VWA7: variants seen among roughly 807,000 people sequenced by gnomAD.
VWA7 encodes von Willebrand factor A domain containing 7.
VWA7 carries 66 observed loss-of-function variants against 83.1 expected under a neutral mutation model. That is an observed-to-expected ratio of 0.79 (90% CI 0.65 to 0.98). The LOEUF is 0.98. Among genes scored for constraint, VWA7 ranks in the 50% least tolerant of loss-of-function variants. The pLI is 0.00. For missense variants in VWA7, 1,080 were observed against 1,160.2 expected, an observed-to-expected ratio of 0.93 and a Z score of 1.00; for synonymous variants, 424 against 488.5, an observed-to-expected ratio of 0.87 and a Z score of 1.74.
In VWA7 at chr6:31,770,036, C is replaced by A; in HGVS notation, c.1165G>T (p.Gly389Ter). The A allele has an allele frequency of 6.2e-7, 1 of 1,612,916 alleles. No homozygotes were observed. The highest frequency in any genetic ancestry group is 1.1e-5 in the South Asian group (1 of 91,080). ...GACAGGCACATCTCAGGCTCGTCTCCACCCCCCAAGGCATGGATCTCATTA... is the reference window on the plus strand; with the variant it reads ...GACAGGCACATCTCAGGCTCGTCTCAACCCCCCAAGGCATGGATCTCATTA... Reference protein sequence around the residue: ...QLNEIHALGGGDEPEMCLSAL... With the variant: ...QLNEIHALGG Residue 389 changes from glycine (G) to a stop codon, truncating the protein, a stop_gained, in exon 8 of 17, where the codon GGA becomes TGA. Coordinates refer to ENST00000375688, the MANE Select transcript of VWA7 (RefSeq NM_025258.3). LOFTEE classifies it high-confidence loss of function.
chr6:31,776,348 GC>G lies in VWA7; in HGVS notation c.235-107del. ...TCAAGGCTGGGTATGAGGGTCCTGA[GC>G]CCCACAAAGGAGGGACAGTCCCGGA... On this transcript the variant is annotated intron_variant, in intron 2 of 16. Transcript: ENST00000375688. This position sits in a 1 kb window ranked among gnomAD's most constrained non-coding sequence, Gnocchi z 6.2. The G allele has an allele frequency of 6.8e-7, 1 of 1,474,402 alleles. No individual in the cohort carries two copies. The highest frequency in any genetic ancestry group is 9.1e-7 in the Non-Finnish European group (1 of 1,097,804). The allele number at this position is 1,474,402 out of a possible 1,614,324, so 91.3% of individuals were successfully genotyped here.
rs750475670 is a variant in VWA7 at position 31,766,618 on chromosome 6, GTCCCACGGGCTCCA to G, written c.2015_2028del (p.Leu672SerfsTer20). The G allele has an allele frequency of 6.2e-6, 10 of 1,612,948 alleles. No individual in the cohort carries two copies. In the East Asian group the frequency reaches 2.0e-4, roughly 32 times the overall value. On this transcript the variant is annotated frameshift_variant, in exon 14 of 17. Transcript: ENST00000375688. LOFTEE classifies it high-confidence loss of function. This position sits in a 1 kb window ranked among gnomAD's most constrained non-coding sequence, Gnocchi z 4.9. ...GCTGCGAGGAGACCTCGCTCCGGAG[GTCCCACGGGCTCCA>G]AGGGCACCTGGCCTAGTTCGGCACC...
chr6:31,771,977 C>G (rs549727118), intron 7 of VWA7, among the ~76,000 whole-genome samples: 1 of 113,660 alleles, frequency 8.8e-6, no homozygotes, highest in Non-Finnish European at 1.6e-5. Flanking sequence ...GGCGACAGAG[C>G]GAGACTCCGT....
chr6:31,774,008 G>C (rs557033464), intron 5 of VWA7, among the ~76,000 whole-genome samples: 1 of 151,806 alleles, frequency 6.6e-6, no homozygotes, highest in East Asian at 1.9e-4. Flanking sequence ...TACAAAATTA[G>C]CCGGGCGTGG....
Position 31,766,729 on chromosome 6 carries a change from A to G in VWA7, c.1918T>C (p.Leu640=). ...TCCCCAGGATTGGCTCTGGAACCCA[A>G]CCCTGTCACTTCTACCAGCAGCTGG... ...QTQLLVEVTG[L]GSRANPGDPQ... The change falls in exon 14 of 17, where the codon TTG becomes CTG. Residue 640 remains leucine, a synonymous_variant. Coordinates refer to ENST00000375688, the MANE Select transcript of VWA7 (RefSeq NM_025258.3). This position sits in a 1 kb window ranked among gnomAD's most constrained non-coding sequence, Gnocchi z 4.9. The G allele has an allele frequency of 6.2e-7, 1 of 1,609,398 alleles. No homozygotes were observed.
intron 10 of VWA7, among the ~76,000 whole-genome samples, chr6:31,768,487 G>A (rs1378409432): frequency 1.3e-5 from 2 of 152,064 alleles, no homozygotes; most frequent in African/African-American, 4.8e-5. Flanking sequence ...AGGACTTCCT[G>A]TGGTAACCCT....
rs759047641 is a variant in VWA7 at position 31,776,147 on chromosome 6, G to A, written c.330C>T (p.Ala110=). ...TTGGCAGGAAGTCCTGGGCTGCATTGGCACGAGACACCTCACCTAAGGCTG... is the reference window on the plus strand; with the variant it reads ...TTGGCAGGAAGTCCTGGGCTGCATTAGCACGAGACACCTCACCTAAGGCTG... ...FRAALGEVSR[A]NAAQDFLPTS... is the part of the protein sequence containing the mutation. Residue 110 remains alanine (A), a synonymous_variant, in exon 3 of 17, where the codon GCC becomes GCT. Coordinates refer to ENST00000375688, the MANE Select transcript of VWA7 (RefSeq NM_025258.3). The surrounding 1 kb of genome is among the most constrained non-coding windows in gnomAD (Gnocchi z 6.2). 4.3e-6 allele frequency: 7 copies of A among 1,614,068 alleles called. No homozygotes were observed. In the South Asian group the frequency reaches 6.6e-5, roughly 15 times the overall value.
At chr6:31,772,564 CTTTTTTTTTTCTTTCTTTTCT>C (rs1439958111) in intron 7 of VWA7, among the ~76,000 whole-genome samples, 8 of 76,992 alleles carry the variant, frequency 1.0e-4, no homozygotes, top group African/African-American at 1.5e-4. Flanking sequence ...TTTATCTTTT[CTTTTTTTTTTCTTTCTTTTCT>C]TTTTTTTTTT....
chr6:31,767,195 G>A lies in VWA7; in HGVS notation c.1845C>T (p.Pro615=). 6.3e-7 allele frequency: 1 copy of A among 1,588,630 alleles called. No individual in the cohort carries two copies. The highest frequency in any genetic ancestry group is 8.5e-7 in the Non-Finnish European group (1 of 1,172,490). The change falls in exon 13 of 17, where the codon CCC becomes CCT. Residue 615 remains proline, a synonymous_variant. Coordinates refer to ENST00000375688, the MANE Select transcript of VWA7 (RefSeq NM_025258.3). ...FHFGIPMEDG[P]HPGLYPLTQP... ...GAGTCAGGGGGTAGAGGCCAGGGTG[G>A]GGTCCATCCTCCATGGGGATCCCAA...
At position 31,769,058 on chromosome 6, in the gene VWA7, C is replaced by A. The variant is rs11966331; in HGVS notation, c.1463G>T (p.Arg488Leu). ...EVIFTKDQHIRDVAAIVGESM... is the reference protein window; with the variant it reads ...EVIFTKDQHILDVAAIVGESM... The stretch of plus-strand genomic sequence containing the variant: ...CTCCCCAACAATGGCTGCCACGTCT[C>A]GAATGTGCTGGTCTTTGGTGAAGAT... Residue 488 changes from arginine (R) to leucine (L), a missense_variant, in exon 10 of 17, where the codon CGA becomes CTA. Transcript: ENST00000375688. This position sits in a 1 kb window ranked among gnomAD's most constrained non-coding sequence, Gnocchi z 4.5. 47 of 1,612,952 alleles carry A rather than the reference C, an allele frequency of 2.9e-5. No individual in the cohort carries two copies. In the Admixed American group the frequency reaches 4.8e-4, roughly 17 times the overall value.
At chr6:31,767,831 A>G (rs1811768947) in intron 10 of VWA7, 77 bp from the exon 11 acceptor site, 2 of 1,522,324 alleles carry the variant, frequency 1.3e-6, no homozygotes, top group Admixed American at 3.9e-5. Context: ...AAGGGGAGAT[A>G]GAAAGAAACC....
Position 31,769,378 on chromosome 6 carries a change from G to A in VWA7, c.1318-175C>T, listed in dbSNP as rs1811948451. On this transcript the variant is annotated intron_variant, in intron 9 of 16. Coordinates refer to ENST00000375688, the MANE Select transcript of VWA7 (RefSeq NM_025258.3). This position sits in a 1 kb window ranked among gnomAD's most constrained non-coding sequence, Gnocchi z 4.5. ...TGACAGAACCCCCTGCCTTCAGTTA[G>A]TAGTTGGCCACCCCCTTGTAACTGT... Among the ~76,000 whole-genome samples the A allele has an allele frequency of 6.6e-6, 1 of 152,224 alleles. No individual in the cohort carries two copies. The highest frequency in any genetic ancestry group is 1.5e-5 in the Non-Finnish European group (1 of 68,046).
chr6:31,771,126 G>A (rs756206015), intron 7 of VWA7: 5 of 151,782 alleles, frequency 3.3e-5, no homozygotes, highest in Non-Finnish European at 7.4e-5. Context: ...AGTTGATTTT[G>A]CAAATCTTAA....
In VWA7 at chr6:31,773,054, C is replaced by T. The variant is rs762284344; in HGVS notation, c.987G>A (p.Glu329=). The T allele has an allele frequency of 6.2e-7, 1 of 1,612,512 alleles. No individual in the cohort carries two copies. Among genetic ancestry groups the T allele is most frequent in the Non-Finnish European group, 8.5e-7 (1 of 1,179,832 alleles). Residue 329 remains glutamate (E), a synonymous_variant, in exon 7 of 17, where the codon GAG becomes GAA. Coordinates refer to ENST00000375688, the MANE Select transcript of VWA7 (RefSeq NM_025258.3). This position sits in a 1 kb window ranked among gnomAD's most constrained non-coding sequence, Gnocchi z 5.3. Reference sequence around the variant, plus strand: ...GAGCCTGGATTTTGGCAGCGTTGATCTCCTCACCCATGCTGCCCGTGGTGT... The same window carrying T: ...GAGCCTGGATTTTGGCAGCGTTGATTTCCTCACCCATGCTGCCCGTGGTGT... The part of the protein sequence containing the change: ...VLDTTGSMGE[E]INAAKIQARH...
chr6:31,769,443 ATTGT>A lies in VWA7; in HGVS notation c.1317+228_1317+231del, dbSNP rs767615549. On this transcript the variant is annotated intron_variant, in intron 9 of 16. Coordinates refer to ENST00000375688, the MANE Select transcript of VWA7 (RefSeq NM_025258.3). This position sits in a 1 kb window ranked among gnomAD's most constrained non-coding sequence, Gnocchi z 4.5. ...GGCGACTAGAGCCCCAGTTCTTCAC[ATTGT>A]TTATTAGGCAGGGTCAAATAAAAAT... Among the ~76,000 whole-genome samples the A allele has an allele frequency of 6.6e-6, 1 of 152,210 alleles. No homozygotes were observed. Among genetic ancestry groups the A allele is most frequent in the East Asian group, 1.9e-4 (1 of 5,198 alleles).
At position 31,770,005 on chromosome 6, in the gene VWA7, A is replaced by G. The variant is rs1489136073; in HGVS notation, c.1196T>C (p.Leu399Pro). The G allele has an allele frequency of 4.3e-6, 7 of 1,612,712 alleles. No homozygotes were observed. The highest frequency in any genetic ancestry group is 5.1e-6 in the Non-Finnish European group (6 of 1,179,906). The change falls in exon 8 of 17, where the codon CTG (leucine) becomes CCG (proline). Residue 399 changes from leucine to proline, a missense_variant. Coordinates refer to ENST00000375688, the MANE Select transcript of VWA7 (RefSeq NM_025258.3). ...GDEPEMCLSA[L>P]QLALLHTPPL... is the part of the protein sequence containing the mutation. ...GGAAGAAGGGAGGGGCCAGACCTGC[A>G]GGGCTGACAGGCACATCTCAGGCTC...
Position 31,774,590 on chromosome 6 carries a change from C to T in VWA7, c.647G>A (p.Ser216Asn), listed in dbSNP as rs150461299. 1,615 of 1,612,808 alleles carry T rather than the reference C, an allele frequency of 1.0e-3. 4 individuals carry two copies. The highest frequency in any genetic ancestry group is 2.8e-3 in the Middle Eastern group (17 of 6,060). ...DPTCSDCEEL[S>N]CPRNWLGFTL... ...GAAGCCCAGCCAATTCCTGGGGCAG[C>T]TCAACTCCTCGCAATCGGAGCAGGT... is the stretch of plus-strand genomic sequence containing the variant. The change falls in exon 5 of 17, where the codon AGC (serine) becomes AAC (asparagine). Residue 216 changes from serine to asparagine, a missense_variant. Physicochemically the swap from Ser to Asn is conservative, Grantham distance 46. Transcript: ENST00000375688.
At position 31,775,419 on chromosome 6, in the gene VWA7, C is replaced by G. The variant is rs1554218876; in HGVS notation, c.524G>C (p.Ser175Thr). The change falls in exon 4 of 17, where the codon AGT becomes ACT. Residue 175 changes from serine (S) to threonine (T), a missense_variant. Transcript: ENST00000375688. The surrounding 1 kb of genome is among the most constrained non-coding windows in gnomAD (Gnocchi z 5.9). Reference protein sequence around the residue: ...AALHALQDFYSHSNWVELGEQ... With the variant: ...AALHALQDFYTHSNWVELGEQ... Reference sequence around the variant, plus strand: ...GCCCAGCTCCACCCAGTTGCTATGACTGTAGAAATCCTGGTCCGGAGGACA... The same window carrying G: ...GCCCAGCTCCACCCAGTTGCTATGAGTGTAGAAATCCTGGTCCGGAGGACA... The G allele has an allele frequency of 8.1e-6, 13 of 1,612,166 alleles. No homozygotes were observed. The highest frequency in any genetic ancestry group is 1.0e-5 in the Non-Finnish European group (12 of 1,179,584).
chr6:31,773,187 C>T lies in VWA7; in HGVS notation c.917+55G>A. 1 of 1,590,614 alleles carries T rather than the reference C, an allele frequency of 6.3e-7. No homozygotes were observed. Among genetic ancestry groups the T allele is most frequent in the Non-Finnish European group, 8.6e-7 (1 of 1,169,108 alleles). On this transcript the variant is annotated intron_variant, in intron 6 of 16. Transcript: ENST00000375688. This position sits in a 1 kb window ranked among gnomAD's most constrained non-coding sequence, Gnocchi z 5.3. ...GTTTGTCCCCAGCGCCTGGTTTCTC[C>T]CTTCCCGCAGGAGCGCCTCCCCATG...
Sources: gnomAD v4.1 joint callset for allele counts (sites outside exome capture counted in the v4.1 genomes callset) on GRCh38, gnomAD v4.1.1 for gene constraint, Gnocchi (gnomAD v3.1) non-coding constraint, MANE v1.5 for transcripts, NCBI Gene and HGNC (gene_info 2026-07-23, HGNC 2026-07-21) for gene names.